Variants in DIAPH1 observed in about 807,000 individuals in gnomAD.
The protein encoded by DIAPH1 is protein diaphanous homolog 1.
DIAPH1 carries 46 observed loss-of-function variants against 140.7 expected under a neutral mutation model. That is an observed-to-expected ratio of 0.33 (90% CI 0.26 to 0.42). The LOEUF (loss-of-function observed/expected upper bound fraction) is 0.42. Among genes scored for constraint, DIAPH1 ranks in the 10% least tolerant of loss-of-function variants. DIAPH1 has a pLI of 1.00. For missense variants in DIAPH1, 1,310 were observed against 1,558.7 expected, an observed-to-expected ratio of 0.84 and a Z score of 2.69; for synonymous variants, 565 against 551.6, an observed-to-expected ratio of 1.02 and a Z score of -0.34.
chr5:141,554,104 C>T (rs1050179026), intron 18 of DIAPH1, among the ~76,000 whole-genome samples: 9 of 152,056 alleles, frequency 5.9e-5, no homozygotes, highest in Admixed American at 5.2e-4. Flanking sequence ...CATGGTGAAA[C>T]CCCATCTCTA....
At chr5:141,538,859 C>T (rs1231173837) in intron 18 of DIAPH1, among the ~76,000 whole-genome samples, 2 of 152,244 alleles carry the variant, frequency 1.3e-5, no homozygotes, top group African/African-American at 4.8e-5. Flanking sequence ...TGAGCCACCA[C>T]ACCCAGTCAA....
At chr5:141,549,480 A>C (rs2099891363) in intron 18 of DIAPH1, among the ~76,000 whole-genome samples, 1 of 152,202 alleles carries the variant, frequency 6.6e-6, no homozygotes, top group Non-Finnish European at 1.5e-5. Context: ...CAATACTAAT[A>C]AAACAAGCAG....
intron 3 of DIAPH1, among the ~76,000 whole-genome samples, chr5:141,586,804 C>G (rs919002493): frequency 2.6e-5 from 4 of 152,170 alleles, no homozygotes; most frequent in Non-Finnish European, 4.4e-5. Context: ...TGTTGCTGGG[C>G]AGAAGACCAT....
intron 27 of DIAPH1, 78 bp from the exon 28 acceptor site, chr5:141,517,086 G>T (rs908230316): frequency 3.8e-6 from 6 of 1,560,590 alleles, no homozygotes; most frequent in Non-Finnish European, 8.7e-7. Flanking sequence ...CAGATAATCA[G>T]CGTAAGCCAT....
chr5:141,609,420 A>T (rs2099901469), intron 1 of DIAPH1, among the ~76,000 whole-genome samples: 1 of 150,076 alleles, frequency 6.7e-6, no homozygotes, highest in East Asian at 1.9e-4. Flanking sequence ...CAATGTAGTG[A>T]GTAAGTCCAT....
At chr5:141,558,759 G>GA (rs951685228) in intron 18 of DIAPH1, among the ~76,000 whole-genome samples, 12 of 152,196 alleles carry the variant, frequency 7.9e-5, no homozygotes, top group African/African-American at 2.6e-4. Context: ...AAGAAAGGTG[G>GA]AAAAAACAGA....
intron 19 of DIAPH1, among the ~76,000 whole-genome samples, chr5:141,533,665 A>G (rs949548324): frequency 6.6e-5 from 10 of 152,064 alleles, no homozygotes; most frequent in Non-Finnish European, 1.3e-4. Flanking sequence ...TGGGCAACAT[A>G]GCGAGACCCC....
intron 18 of DIAPH1, among the ~76,000 whole-genome samples, chr5:141,558,738 AAAG>A (rs1409021884): frequency 3.3e-5 from 5 of 152,154 alleles, no homozygotes; most frequent in African/African-American, 4.8e-5. Flanking sequence ...TATGACTAAA[AAAG>A]AACATGTAAG....
intron 1 of DIAPH1, among the ~76,000 whole-genome samples, chr5:141,612,198 G>T (rs1205335959): frequency 1.3e-5 from 2 of 152,192 alleles, no homozygotes; most frequent in Non-Finnish European, 2.9e-5. Flanking sequence ...ACACATTGCT[G>T]GTAAGAATGT....
At chr5:141,553,616 C>A (rs2099892089) in intron 18 of DIAPH1, among the ~76,000 whole-genome samples, 1 of 151,900 alleles carries the variant, frequency 6.6e-6, no homozygotes, top group African/African-American at 2.4e-5. Flanking sequence ...GCACTCCAGC[C>A]TGGGCAACAA....
Position 141,516,774 on chromosome 5 carries a change from T to C in DIAPH1, c.*77A>G. 3 of 1,570,748 alleles carry C rather than the reference T, an allele frequency of 1.9e-6. No homozygotes were observed. Among genetic ancestry groups the C allele is most frequent in the South Asian group, 2.2e-5 (2 of 89,428 alleles). ...TGGCCACCCCAGAGGAATATCCCCT[T>C]GAGCCTTTAGGCACATGCTGCAGGG... is the stretch of plus-strand genomic sequence containing the variant. On this transcript the variant is annotated 3_prime_UTR_variant, in exon 28 of 28. Coordinates refer to ENST00000389054, the MANE Select transcript of DIAPH1 (RefSeq NM_005219.5).
chr5:141,605,489 C>T (rs191940129), intron 1 of DIAPH1, among the ~76,000 whole-genome samples: 1 of 152,198 alleles, frequency 6.6e-6, no homozygotes, highest in Admixed American at 6.5e-5. Flanking sequence ...ATCCAATTAC[C>T]ATAGGCAAAA....
At chr5:141,524,017 C>T (rs993761564) in intron 27 of DIAPH1, 126 bp downstream of exon 27, 15 of 852,778 alleles carry the variant, frequency 1.8e-5, no homozygotes, top group South Asian at 1.5e-4. Context: ...CTAGATAATC[C>T]GTTCTGGATG....
chr5:141,571,682 A>C, intron 17 of DIAPH1: 1 of 658,206 alleles, frequency 1.5e-6, no homozygotes. Flanking sequence ...TTAATCTCAT[A>C]TCCCTAACAA....
intron 24 of DIAPH1, among the ~76,000 whole-genome samples, chr5:141,527,126 G>A (rs915491296): frequency 6.6e-6 from 1 of 152,156 alleles, no homozygotes; most frequent in African/African-American, 2.4e-5. Context: ...ACGGGGTACA[G>A]GCAGGGGAGT....
At chr5:141,551,988 C>CA (rs1248816186) in intron 18 of DIAPH1, among the ~76,000 whole-genome samples, 1 of 152,108 alleles carries the variant, frequency 6.6e-6, no homozygotes, top group African/African-American at 2.4e-5. Flanking sequence ...ACAAGAAATA[C>CA]AAAAAATCCT....
At position 141,618,950 on chromosome 5, in the gene DIAPH1, C is replaced by T. The variant is rs1035798759; in HGVS notation, c.-36G>A. 4.0e-6 allele frequency: 5 copies of T among 1,257,998 alleles called. No individual in the cohort carries two copies. In the African/African-American group the frequency reaches 6.3e-5, roughly 16 times the overall value. The allele number at this position is 1,257,998 out of a possible 1,614,324, so 77.9% of individuals were successfully genotyped here. ...ACGCTGGCCGGCGACCCCGCGCCTA[C>T]GCCGCTCCCGCCTGGCAGCTCCGCG... On this transcript the variant is annotated 5_prime_UTR_variant, in exon 1 of 28. Transcript: ENST00000389054.
intron 18 of DIAPH1, chr5:141,564,496 T>C (rs1490610685): frequency 6.6e-6 from 1 of 152,222 alleles, no homozygotes; most frequent in African/African-American, 2.4e-5. Flanking sequence ...TACCTGATGA[T>C]GCAGTCCCTT....
At chr5:141,575,779 G>A (rs1167192301) in intron 14 of DIAPH1, among the ~76,000 whole-genome samples, 1 of 152,038 alleles carries the variant, frequency 6.6e-6, no homozygotes, top group Non-Finnish European at 1.5e-5. Context: ...TAACGAGGAC[G>A]ACCATGGTAG....
Sources: gnomAD v4.1 joint callset for allele counts (sites outside exome capture counted in the v4.1 genomes callset) on GRCh38, gnomAD v4.1.1 for gene constraint, MANE v1.5 for transcripts, NCBI Gene and HGNC (gene_info 2026-07-23, HGNC 2026-07-21) for gene names.